TMEM272: variants seen among roughly 807,000 people sequenced by gnomAD.
TMEM272 encodes transmembrane protein 272, also known as long intergenic non-protein coding RNA 282.
In TMEM272, 8 loss-of-function variants were observed where a neutral mutation model predicts 3.7. That is an observed-to-expected ratio of 2.17 (90% CI 1.27 to 3.91). The LOEUF (loss-of-function observed/expected upper bound fraction) is 3.91, where lower values mean the gene tolerates loss of function less well. TMEM272 is among the 30% of genes most tolerant of loss of function. The pLI is 0.00. For synonymous variants in TMEM272, 63 were observed against 39.8 expected, an observed-to-expected ratio of 1.58 and a Z score of -2.20; for missense variants, 166 against 91.5, an observed-to-expected ratio of 1.81 and a Z score of -3.32.
chr13:51,823,193 C>T (rs1053573026), intron 3 of TMEM272, among the ~76,000 whole-genome samples: 2 of 152,264 alleles, frequency 1.3e-5, no homozygotes, highest in African/African-American at 4.8e-5. Context: ...ATTCTCCCAC[C>T]TCAGCCTCCT....
chr13:51,834,336 A>G (rs1956197439), intron 2 of TMEM272, among the ~76,000 whole-genome samples: 1 of 152,150 alleles, frequency 6.6e-6, no homozygotes, highest in Non-Finnish European at 1.5e-5. Context: ...GAGCAGGAGC[A>G]CACCCTGCCC....
chr13:51,834,406 G>A lies in TMEM272; in HGVS notation c.58+4067C>T, dbSNP rs565598271. 3.9e-5 allele frequency among the ~76,000 whole-genome samples: 6 copies of A among 152,278 alleles called. No individual in the cohort carries two copies. The East Asian group carries it at 5.8e-4, about 15-fold the overall frequency. ...CTCCAACTCCCATACTTGAATTCTC[G>A]TGTGACCCACAAAGCCCAGGGTTGA... On this transcript the variant is annotated intron_variant, in intron 2 of 4. Transcript: ENST00000629372.
the TMEM272 span, among the ~76,000 whole-genome samples, chr13:51,885,920 T>C: frequency 4.6e-5 from 7 of 152,194 alleles, no homozygotes; most frequent in African/African-American, 1.4e-4. Context: ...TCTAAAAATA[T>C]AGCGAGGGCC....
At chr13:51,832,355 C>T (rs1057453049) in intron 2 of TMEM272, among the ~76,000 whole-genome samples, 1 of 152,112 alleles carries the variant, frequency 6.6e-6, no homozygotes, top group East Asian at 1.9e-4. Flanking sequence ...CAAGGATCTC[C>T]GGAGTCTGTT....
At chr13:51,902,207 T>C in the TMEM272 span, among the ~76,000 whole-genome samples, 1 of 152,070 alleles carries the variant, frequency 6.6e-6, no homozygotes, top group African/African-American at 2.4e-5. Context: ...AGAAGCAAAA[T>C]GAAAAAAAGC....
At chr13:51,930,973 TGAGAA>T in the TMEM272 span, among the ~76,000 whole-genome samples, 1 of 152,072 alleles carries the variant, frequency 6.6e-6, no homozygotes, top group African/African-American at 2.4e-5. Flanking sequence ...TGAAAAAAAA[TGAGAA>T]TTACTGCATT....
At chr13:51,858,307 T>C in the TMEM272 span, among the ~76,000 whole-genome samples, 2 of 152,186 alleles carry the variant, frequency 1.3e-5, no homozygotes, top group Non-Finnish European at 2.9e-5. Context: ...CAAGTGGACA[T>C]GGAACATTTA....
At chr13:51,924,222 T>G in the TMEM272 span, among the ~76,000 whole-genome samples, 1 of 152,040 alleles carries the variant, frequency 6.6e-6, no homozygotes, top group African/African-American at 2.4e-5. Context: ...CTTTGGACTC[T>G]CCTCCCCCAC....
chr13:51,910,683 G>A, the TMEM272 span: 85 of 432,382 alleles, frequency 2.0e-4, no homozygotes, highest in East Asian at 1.6e-3. Flanking sequence ...CACAATAAGC[G>A]GCAGAGAATA....
the TMEM272 span, among the ~76,000 whole-genome samples, chr13:51,867,913 C>A: frequency 6.6e-6 from 1 of 152,108 alleles, no homozygotes; most frequent in Non-Finnish European, 1.5e-5. Flanking sequence ...CAGAGAAAAG[C>A]TGCAGATTCA....
chr13:51,901,711 G>C, the TMEM272 span, among the ~76,000 whole-genome samples: 1 of 152,098 alleles, frequency 6.6e-6, no homozygotes, highest in Non-Finnish European at 1.5e-5. Flanking sequence ...TAAGTATCTA[G>C]AATCTACCTG....
chr13:51,869,303 C>T, the TMEM272 span, among the ~76,000 whole-genome samples: 3 of 152,102 alleles, frequency 2.0e-5, no homozygotes, highest in East Asian at 1.9e-4. Context: ...CTCATTGCCC[C>T]GAGGAGGGTG....
At chr13:51,922,671 A>G in the TMEM272 span, among the ~76,000 whole-genome samples, 13 of 152,206 alleles carry the variant, frequency 8.5e-5, no homozygotes, top group African/African-American at 3.1e-4. Flanking sequence ...TTACCGTCCC[A>G]GAGGTTGGAA....
At chr13:51,919,126 C>A in the TMEM272 span, among the ~76,000 whole-genome samples, 1 of 152,130 alleles carries the variant, frequency 6.6e-6, no homozygotes, top group East Asian at 1.9e-4. Context: ...GTGGCCAGTG[C>A]CGAGGCCCAG....
At chr13:51,833,654 A>G (rs1956191662) in intron 2 of TMEM272, among the ~76,000 whole-genome samples, 1 of 152,210 alleles carries the variant, frequency 6.6e-6, no homozygotes, top group South Asian at 2.1e-4. Flanking sequence ...GAAAGGATGT[A>G]TTCGGTTCAG....
the TMEM272 span, among the ~76,000 whole-genome samples, chr13:51,878,417 G>A: frequency 1.3e-5 from 2 of 152,108 alleles, no homozygotes; most frequent in South Asian, 4.2e-4. Flanking sequence ...GTGACAGAGC[G>A]AGACTCTGTC....
the TMEM272 span, chr13:51,908,332 G>C: frequency 7.0e-7 from 1 of 1,422,566 alleles, no homozygotes; most frequent in Non-Finnish European, 9.9e-7. Flanking sequence ...CAAAATCCAG[G>C]TCTTGGGGGA....
the TMEM272 span, among the ~76,000 whole-genome samples, chr13:51,856,933 C>T: frequency 5.3e-5 from 8 of 152,192 alleles, no homozygotes; most frequent in East Asian, 1.4e-3. Context: ...AAGGATAATA[C>T]GTCTGAATAA....
chr13:51,921,911 C>A, the TMEM272 span, among the ~76,000 whole-genome samples: 1 of 151,784 alleles, frequency 6.6e-6, no homozygotes, highest in African/African-American at 2.4e-5. Context: ...CCACTGTGTG[C>A]GTGTGTGTGT....
Sources: allele counts gnomAD v4.1 joint callset (sites outside exome capture counted in the v4.1 genomes callset), GRCh38; gene constraint gnomAD v4.1.1; transcripts MANE v1.5; gene names NCBI Gene and HGNC (gene_info 2026-07-23, HGNC 2026-07-21).